GUCY2C: variants seen among roughly 807,000 people sequenced by gnomAD.
GUCY2C encodes guanylate cyclase 2C.
In GUCY2C, 118 loss-of-function variants were observed where a neutral mutation model predicts 131.1. The ratio of observed to expected loss-of-function variants is 0.90; its 90% confidence interval spans 0.78 to 1.05. GUCY2C has a LOEUF of 1.05. GUCY2C is among the 50% of genes least tolerant of loss of function. GUCY2C has a pLI of 0.00. For synonymous variants in GUCY2C, 452 were observed against 457.8 expected (o/e 0.99, Z 0.16); for missense variants, 1,161 against 1,304.4 (o/e 0.89, Z 1.69).
chr12:14,682,673 G>A (rs190632039), intron 4 of GUCY2C, among the ~76,000 whole-genome samples: 1 of 152,110 alleles, frequency 6.6e-6, no homozygotes. Context: ...ATGTTCTCTG[G>A]TATTGTTTCT....
chr12:14,618,044 C>G (rs1206656388), intron 24 of GUCY2C, among the ~76,000 whole-genome samples: 1 of 152,140 alleles, frequency 6.6e-6, no homozygotes, highest in Admixed American at 6.6e-5. Flanking sequence ...TAAGCCCCAG[C>G]CATGTCTCCC....
Position 14,625,608 on chromosome 12 carries a change from C to T in GUCY2C, c.2408+149G>A, listed in dbSNP as rs1416986361. On this transcript the variant is annotated intron_variant, in intron 21 of 26. Transcript: ENST00000261170. ...TCAGCCTCTCAAAGTGCTAGGATTA[C>T]AGGCGTGAGCCTCCGTGCCTGGCAG... The T allele has an allele frequency of 7.0e-6, 5 of 718,708 alleles. No individual in the cohort carries two copies. In the East Asian group the frequency reaches 1.1e-4, roughly 15 times the overall value. The allele number at this position is 718,708 out of a possible 1,614,324, so 44.5% of individuals were successfully genotyped here.
chr12:14,670,064 C>G (rs1354075430), intron 9 of GUCY2C, among the ~76,000 whole-genome samples: 1 of 152,184 alleles, frequency 6.6e-6, no homozygotes, highest in Non-Finnish European at 1.5e-5. Context: ...ATACACTACA[C>G]CATTAACTCC....
At chr12:14,621,012 C>A in intron 23 of GUCY2C, 30 bp downstream of exon 23, 3 of 1,590,274 alleles carry the variant, frequency 1.9e-6, no homozygotes, top group Non-Finnish European at 1.7e-6. Flanking sequence ...ACATATGGTT[C>A]CCAATTTGCT....
At chr12:14,671,104 T>G (rs1345995487) in intron 9 of GUCY2C, among the ~76,000 whole-genome samples, 1 of 152,010 alleles carries the variant, frequency 6.6e-6, no homozygotes, top group African/African-American at 2.4e-5. Context: ...GAGATACAAT[T>G]CAAGTTGAGA....
At chr12:14,630,745 G>A (rs773229142) in intron 19 of GUCY2C, among the ~76,000 whole-genome samples, 18 of 152,106 alleles carry the variant, frequency 1.2e-4, no homozygotes, top group Non-Finnish European at 2.2e-4. Flanking sequence ...TGTTTCTGGG[G>A]CATTGCTGAG....
At chr12:14,639,172 C>T (rs958268103) in intron 19 of GUCY2C, among the ~76,000 whole-genome samples, 1 of 151,964 alleles carries the variant, frequency 6.6e-6, no homozygotes, top group African/African-American at 2.4e-5. Context: ...GTGGCAGGCG[C>T]CTGTAGTCCC....
chr12:14,672,949 C>G lies in GUCY2C; in HGVS notation c.1094G>C (p.Gly365Ala), dbSNP rs201135486. 157 of 1,592,586 alleles carry G rather than the reference C, an allele frequency of 9.9e-5. No homozygotes were observed. The highest frequency in any genetic ancestry group is 3.3e-4 in the Middle Eastern group (2 of 6,038). ...CCCCCAGTCATCCAAGGTCACTGGACCGTCATACCCTAGGGCAAGATCAGA... is the reference window on the plus strand; with the variant it reads ...CCCCCAGTCATCCAAGGTCACTGGAGCGTCATACCCTAGGGCAAGATCAGA... ...FRNLTFEGYD[G>A]PVTLDDWGDV... is the part of the protein sequence containing the mutation. The change falls in exon 9 of 27, where the codon GGT (glycine) becomes GCT (alanine). Residue 365 changes from glycine to alanine, a missense_variant. Gly to Ala is a moderately conservative substitution (Grantham distance 60). Transcript: ENST00000261170.
chr12:14,674,826 A>G (rs1241341873), intron 7 of GUCY2C, 66 bp from the exon 8 acceptor site: 5 of 1,286,278 alleles, frequency 3.9e-6, no homozygotes, highest in Admixed American at 2.0e-5. Context: ...AGCCTAGAAC[A>G]AAAGGTTGTT....
intron 11 of GUCY2C, among the ~76,000 whole-genome samples, chr12:14,660,052 A>G (rs1947836237): frequency 6.6e-6 from 1 of 152,244 alleles, no homozygotes; most frequent in African/African-American, 2.4e-5. Flanking sequence ...ACACAGTTAC[A>G]GGAGCCAAGC....
chr12:14,617,576 C>T (rs896691121), intron 24 of GUCY2C, among the ~76,000 whole-genome samples: 10 of 152,130 alleles, frequency 6.6e-5, no homozygotes, highest in Non-Finnish European at 1.5e-4. Flanking sequence ...TCTCAAATTT[C>T]CTTCTTCTGG....
intron 25 of GUCY2C, among the ~76,000 whole-genome samples, chr12:14,615,371 C>T (rs1487250654): frequency 6.6e-6 from 1 of 151,950 alleles, no homozygotes; most frequent in African/African-American, 2.4e-5. Context: ...ACTTTTGCTA[C>T]AGTTTCCCTA....
chr12:14,628,674 T>G lies in GUCY2C; in HGVS notation c.2221A>C (p.Ile741Leu), dbSNP rs145875994. 61 of 1,579,584 alleles carry G rather than the reference T, an allele frequency of 3.9e-5. No individual in the cohort carries two copies. The highest frequency in any genetic ancestry group is 3.4e-4 in the African/African-American group (25 of 74,198). Residue 741 changes from isoleucine to leucine, a missense_variant, in exon 20 of 27, where the codon ATT becomes CTT. Coordinates refer to ENST00000261170, the MANE Select transcript of GUCY2C (RefSeq NM_004963.4). ...AATATCTTGGCAAGTGTAGTCTCAATTTTTTTGAAATCTGGTCTCTTTTCT... is the reference window on the plus strand; with the variant it reads ...AATATCTTGGCAAGTGTAGTCTCAAGTTTTTTGAAATCTGGTCTCTTTTCT... ...DPEKRPDFKKIETTLAKIFGL... is the reference protein window; with the variant it reads ...DPEKRPDFKKLETTLAKIFGL...
chr12:14,632,041 G>A (rs576396405), intron 19 of GUCY2C, among the ~76,000 whole-genome samples: 1 of 152,044 alleles, frequency 6.6e-6, no homozygotes, highest in Non-Finnish European at 1.5e-5. Flanking sequence ...TTTGAGAAGT[G>A]TCTGTTTATG....
chr12:14,626,508 G>A (rs1947021271), intron 20 of GUCY2C, among the ~76,000 whole-genome samples: 1 of 152,178 alleles, frequency 6.6e-6, no homozygotes, highest in African/African-American at 2.4e-5. Flanking sequence ...ATACCAATCA[G>A]CTTATAACTC....
At chr12:14,669,947 G>A (rs1948072629) in intron 9 of GUCY2C, 114 bp from the exon 10 acceptor site, 4 of 533,912 alleles carry the variant, frequency 7.5e-6, no homozygotes, top group Non-Finnish European at 1.3e-5. Context: ...AATTCTCAGT[G>A]AAAAAAGGCA....
Position 14,640,215 on chromosome 12 carries a change from C to T in GUCY2C, c.2069-265G>A, listed in dbSNP as rs187514834. ...CAGTGCCTCAAAGCTGTAATCCCAG[C>T]ACTTCGGGAGGCTGAGGTTGGGGGA... On this transcript the variant is annotated intron_variant, in intron 18 of 26. Coordinates refer to ENST00000261170, the MANE Select transcript of GUCY2C (RefSeq NM_004963.4). 3.4e-4 allele frequency among the ~76,000 whole-genome samples: 52 copies of T among 152,212 alleles called. No individual in the cohort carries two copies. The South Asian group carries it at 4.1e-3, about 12-fold the overall frequency.
Position 14,683,186 on chromosome 12 carries a change from G to A in GUCY2C, c.467C>T (p.Thr156Ile), listed in dbSNP as rs147745948. The change falls in exon 4 of 27, where the codon ACC (threonine) becomes ATC (isoleucine). Residue 156 changes from threonine (T) to isoleucine (I), a missense_variant. Thr to Ile is a moderately conservative substitution (Grantham distance 89). Transcript: ENST00000261170. ...SFGLSCDYKETLTRLMSPARK... is the reference protein window; with the variant it reads ...SFGLSCDYKEILTRLMSPARK... ...AGCTGGAGACATCAGCCTGGTTAAG[G>A]TTTCTTTATAGTCACATGACAATCC... The A allele has an allele frequency of 7.4e-6, 12 of 1,613,478 alleles. No individual in the cohort carries two copies. The highest frequency in any genetic ancestry group is 9.3e-6 in the Non-Finnish European group (11 of 1,179,626).
chr12:14,630,097 C>CT (rs1159231513), intron 19 of GUCY2C, among the ~76,000 whole-genome samples: 4,629 of 143,504 alleles, frequency 0.032, 251 homozygotes, highest in African/African-American at 0.11. Context: ...CTGTTTGCAG[C>CT]TTTTTTTTTT....
Sources: gnomAD v4.1 joint callset for allele counts (sites outside exome capture counted in the v4.1 genomes callset) on GRCh38, gnomAD v4.1.1 for gene constraint, MANE v1.5 for transcripts, NCBI Gene and HGNC (gene_info 2026-07-23, HGNC 2026-07-21) for gene names.